The following NXPE2 variants were observed in gnomAD, a reference collection of about 807,000 sequenced individuals.
The protein encoded by NXPE2 is NXPE family member 2.
A neutral mutation model predicts 34.4 loss-of-function variants in NXPE2; 34 were observed. The ratio of observed to expected loss-of-function variants is 0.99; its 90% CI spans 0.75 to 1.31. NXPE2 has a LOEUF of 1.31. NXPE2 is among the 40% of genes most tolerant of loss of function. The pLI is 0.00. For missense variants in NXPE2, 649 were observed against 672.5 expected, an observed-to-expected ratio of 0.97 and a Z score of 0.39; for synonymous variants, 235 against 231.3, an observed-to-expected ratio of 1.02 and a Z score of -0.15.
the NXPE2 span, chr11:114,528,716 C>T: frequency 1.9e-6 from 1 of 532,250 alleles, no homozygotes; most frequent in Non-Finnish European, 3.5e-6. Context: ...TGTATATGGC[C>T]ATGAAAGTGG....
chr11:114,623,009 G>A, the NXPE2 span, among the ~76,000 whole-genome samples: 13 of 151,660 alleles, frequency 8.6e-5, no homozygotes, highest in Non-Finnish European at 1.2e-4. Flanking sequence ...TGGATAATAA[G>A]TGTTGCCTTG....
the NXPE2 span, among the ~76,000 whole-genome samples, chr11:114,547,201 A>G: frequency 6.6e-6 from 1 of 152,182 alleles, no homozygotes; most frequent in Non-Finnish European, 1.5e-5. Flanking sequence ...CAGCCAGGTG[A>G]TCAAGATTAA....
the NXPE2 span, among the ~76,000 whole-genome samples, chr11:114,785,982 AAAG>A: frequency 3.3e-5 from 5 of 152,324 alleles, no homozygotes; most frequent in Middle Eastern, 3.4e-3. Context: ...AGTGTAAAAA[AAAG>A]AAGACACCTG....
the NXPE2 span, among the ~76,000 whole-genome samples, chr11:114,608,619 T>C: frequency 0.53 from 79,581 of 150,916 alleles, 22,128 homozygotes; most frequent in African/African-American, 0.68. Context: ...CCACTGTTAC[T>C]TGGTGGATAA....
the NXPE2 span, among the ~76,000 whole-genome samples, chr11:114,535,839 G>T: frequency 3.9e-4 from 59 of 151,896 alleles, no homozygotes; most frequent in African/African-American, 9.9e-4. Context: ...AATGGGAGAC[G>T]TTAACACCCC....
chr11:114,545,278 G>T, the NXPE2 span, among the ~76,000 whole-genome samples: 2 of 152,350 alleles, frequency 1.3e-5, no homozygotes, highest in African/African-American at 4.8e-5. Flanking sequence ...GTTTATAGCA[G>T]CTTTGATCAT....
the NXPE2 span, among the ~76,000 whole-genome samples, chr11:114,588,055 A>T: frequency 1.8e-3 from 274 of 152,296 alleles, 1 homozygote; most frequent in African/African-American, 6.3e-3. Flanking sequence ...AGCATTGCAC[A>T]ATCAGCTCAG....
the NXPE2 span, among the ~76,000 whole-genome samples, chr11:114,652,774 G>A: frequency 2.0e-5 from 3 of 152,172 alleles, no homozygotes; most frequent in Admixed American, 1.3e-4. Context: ...AGACTCTGGG[G>A]TTGGCAGAAT....
At position 114,705,797 on chromosome 11, in the gene NXPE2, A is replaced by C; in HGVS notation, c.945A>C (p.Lys315Asn). 6.7e-7 allele frequency: 1 copy of C among 1,489,354 alleles called. No individual in the cohort carries two copies. Among genetic ancestry groups the C allele is most frequent in the Admixed American group, 2.5e-5 (1 of 39,254 alleles). The allele number at this position is 1,489,354 out of a possible 1,614,324, so 92.3% of individuals were successfully genotyped here. A position where few individuals can be genotyped will look rare whatever the true frequency, so the allele number is the denominator to read the frequency against. The change falls in exon 5 of 6, where the codon AAA becomes AAC. Residue 315 changes from lysine (K) to asparagine (N), a missense_variant. By Grantham distance (94) the Lys-to-Asn change is moderately conservative (BLOSUM62 0). Coordinates refer to ENST00000389586, the MANE Select transcript of NXPE2 (RefSeq NM_182495.6). Reference sequence around the variant, plus strand: ...TATTGCCAGAGAGCGAGAACATAAAAAAGAACTGCCAGATTGGAATGAAGA... The same window carrying C: ...TATTGCCAGAGAGCGAGAACATAAACAAGAACTGCCAGATTGGAATGAAGA... ...VIPCNKSENI[K>N]KNCQIGMKTP...
chr11:114,622,976 C>T, the NXPE2 span, among the ~76,000 whole-genome samples: 4 of 151,974 alleles, frequency 2.6e-5, no homozygotes, highest in African/African-American at 7.3e-5. Context: ...TGTATTGCCT[C>T]GTAGGAAACC....
the NXPE2 span, chr11:114,518,413 A>G: frequency 6.6e-6 from 1 of 152,256 alleles, no homozygotes; most frequent in Non-Finnish European, 1.5e-5. Context: ...TCTTTAAAGA[A>G]GATGCTGCCA....
At chr11:114,517,230 A>G in the NXPE2 span, among the ~76,000 whole-genome samples, 2 of 152,182 alleles carry the variant, frequency 1.3e-5, no homozygotes, top group African/African-American at 4.8e-5. Context: ...AGACAAGGCA[A>G]TTAGTGGCTG....
At chr11:114,631,693 C>T in the NXPE2 span, among the ~76,000 whole-genome samples, 5 of 151,282 alleles carry the variant, frequency 3.3e-5, no homozygotes, top group East Asian at 1.9e-4. Flanking sequence ...AGTATTGCCT[C>T]GTGGGTAACC....
At chr11:114,618,910 T>A in the NXPE2 span, among the ~76,000 whole-genome samples, 1 of 151,954 alleles carries the variant, frequency 6.6e-6, no homozygotes, top group South Asian at 2.1e-4. Context: ...TAATAAGGAC[T>A]GTCTCATGGG....
At chr11:114,498,580 A>G in the NXPE2 span, among the ~76,000 whole-genome samples, 20 of 152,088 alleles carry the variant, frequency 1.3e-4, no homozygotes, top group African/African-American at 4.8e-4. Flanking sequence ...TGCACTCTGT[A>G]TTTTATCATT....
chr11:114,696,749 A>C (rs780434951), intron 2 of NXPE2, among the ~76,000 whole-genome samples: 20 of 152,334 alleles, frequency 1.3e-4, no homozygotes, highest in Middle Eastern at 6.8e-3. Context: ...AAGTCAGTTT[A>C]GCAGGTTGAA....
chr11:114,713,685 C>A, the NXPE2 span, among the ~76,000 whole-genome samples: 94 of 152,316 alleles, frequency 6.2e-4, no homozygotes, highest in African/African-American at 2.2e-3. Flanking sequence ...CCATTAATGA[C>A]TTGAATTCTC....
chr11:114,789,883 C>A, the NXPE2 span, among the ~76,000 whole-genome samples: 1 of 152,246 alleles, frequency 6.6e-6, no homozygotes, highest in Non-Finnish European at 1.5e-5. Flanking sequence ...GGGGTTGCAT[C>A]TTGTTCATCT....
the NXPE2 span, among the ~76,000 whole-genome samples, chr11:114,559,393 A>G: frequency 9.2e-5 from 14 of 152,232 alleles, no homozygotes; most frequent in African/African-American, 3.4e-4. Flanking sequence ...TGTCATACAT[A>G]AAACAAGGCA....
Sources: gnomAD v4.1 joint callset for allele counts (sites outside exome capture counted in the v4.1 genomes callset) on GRCh38, gnomAD v4.1.1 for gene constraint, MANE v1.5 for transcripts, NCBI Gene and HGNC (gene_info 2026-07-23, HGNC 2026-07-21) for gene names.